The following FAR2 variants were observed in gnomAD, a reference collection of about 807,000 sequenced individuals.
FAR2 encodes the protein fatty acyl-CoA reductase 2.
FAR2 carries 19 observed loss-of-function variants against 56.0 expected under a neutral mutation model. The observed-to-expected ratio is 0.34, with a 90% CI of 0.24 to 0.50. The LOEUF (loss-of-function observed/expected upper bound fraction) is 0.50, where lower values mean the gene tolerates loss of function less well. Ranked by LOEUF, FAR2 falls within the 20% of genes least tolerant of loss-of-function variation. FAR2 has a pLI of 0.98. For synonymous variants in FAR2, 219 were observed against 218.8 expected (o/e 1.00, Z -0.01); for missense variants, 508 against 642.2 (o/e 0.79, Z 2.26).
chr12:29,331,988 C>T (rs1225872300), intron 10 of FAR2: 1 of 152,134 alleles, frequency 6.6e-6, no homozygotes, highest in South Asian at 2.1e-4. Context: ...TGTGGCACAA[C>T]TTCTCTCCCT....
rs539941601 is a variant in FAR2 at position 29,230,347 on chromosome 12, G to T, written c.-38-40065G>T. 6.6e-5 allele frequency among the ~76,000 whole-genome samples: 10 copies of T among 152,084 alleles called. 1 individual carries two copies. The South Asian group carries it at 2.1e-3, about 32-fold the overall frequency. ...CCTCTGGGTAGGGGGAGGAGTGAGGGCTGAGAGCTGCAGTAGAGCATCCTT... is the reference window on the plus strand; with the variant it reads ...CCTCTGGGTAGGGGGAGGAGTGAGGTCTGAGAGCTGCAGTAGAGCATCCTT... On this transcript the variant is annotated intron_variant, in intron 1 of 11. Transcript: ENST00000536681.
chr12:29,207,694 GGATA>G (rs1310745685), intron 1 of FAR2, among the ~76,000 whole-genome samples: 1 of 152,120 alleles, frequency 6.6e-6, no homozygotes, highest in Non-Finnish European at 1.5e-5. Flanking sequence ...ATGGATGGAT[GGATA>G]GATAGACAGA....
chr12:29,230,486 G>C (rs1347288225), intron 1 of FAR2, among the ~76,000 whole-genome samples: 1 of 152,114 alleles, frequency 6.6e-6, no homozygotes, highest in Non-Finnish European at 1.5e-5. Context: ...ACATTGTCCA[G>C]TGCCTTGCAT....
At chr12:29,274,730 G>A (rs1205165175) in intron 2 of FAR2, among the ~76,000 whole-genome samples, 1 of 151,772 alleles carries the variant, frequency 6.6e-6, no homozygotes, top group African/African-American at 2.4e-5. Context: ...GGCTCATTCT[G>A]GCTCAAAATC....
At chr12:29,274,378 A>G (rs1948670902) in intron 2 of FAR2, among the ~76,000 whole-genome samples, 2 of 151,838 alleles carry the variant, frequency 1.3e-5, no homozygotes, top group South Asian at 4.2e-4. Flanking sequence ...TGAACTCATC[A>G]TTTTTTATGG....
intron 1 of FAR2, among the ~76,000 whole-genome samples, chr12:29,257,613 C>T (rs1948345262): frequency 6.6e-6 from 1 of 152,130 alleles, no homozygotes; most frequent in Admixed American, 6.5e-5. Flanking sequence ...TGCAGCTTCA[C>T]TCCTGAAGCC....
intron 1 of FAR2, among the ~76,000 whole-genome samples, chr12:29,150,251 C>T (rs1401499044): frequency 6.6e-6 from 1 of 152,188 alleles, no homozygotes; most frequent in Non-Finnish European, 1.5e-5. Context: ...CAGAGGAAGG[C>T]GTCTCACCTG....
intron 2 of FAR2, among the ~76,000 whole-genome samples, chr12:29,271,396 A>G (rs1372696446): frequency 6.6e-6 from 1 of 152,194 alleles, no homozygotes; most frequent in Non-Finnish European, 1.5e-5. Context: ...AAACTTTCCA[A>G]TGTTTTAAAT....
At chr12:29,220,748 T>C (rs919761885) in intron 1 of FAR2, among the ~76,000 whole-genome samples, 2 of 152,114 alleles carry the variant, frequency 1.3e-5, no homozygotes, top group African/African-American at 4.8e-5. Context: ...AGAAAGAATT[T>C]GACCAAGGGA....
At chr12:29,150,627 A>G (rs1354482500) in intron 1 of FAR2, among the ~76,000 whole-genome samples, 1 of 152,250 alleles carries the variant, frequency 6.6e-6, no homozygotes, top group Non-Finnish European at 1.5e-5. Flanking sequence ...GCAGCCACCT[A>G]AACTGCAAGA....
At chr12:29,152,476 C>T (rs1344791777) in intron 1 of FAR2, among the ~76,000 whole-genome samples, 1 of 152,154 alleles carries the variant, frequency 6.6e-6, no homozygotes, top group Non-Finnish European at 1.5e-5. Flanking sequence ...TATCTTTATT[C>T]CAGCTGTCCT....
intron 1 of FAR2, among the ~76,000 whole-genome samples, chr12:29,252,282 C>T (rs1253498584): frequency 1.3e-5 from 2 of 152,070 alleles, no homozygotes; most frequent in African/African-American, 4.8e-5. Context: ...ATGACCCAAC[C>T]CAGGCAGGAC....
chr12:29,312,636 C>A (rs1474869424), intron 8 of FAR2, among the ~76,000 whole-genome samples: 1 of 152,098 alleles, frequency 6.6e-6, no homozygotes, highest in Admixed American at 6.6e-5. Context: ...ATTGATCTGT[C>A]TGAATGTAAA....
intron 1 of FAR2, among the ~76,000 whole-genome samples, chr12:29,264,088 A>T (rs549221987): frequency 1.2e-4 from 18 of 152,264 alleles, no homozygotes; most frequent in African/African-American, 4.3e-4. Context: ...ATACTAGCAA[A>T]CTGAAATCAA....
rs35073792 is a variant in FAR2 at position 29,314,432 on chromosome 12, C to CTTTT, written c.956-2397_956-2394dup. On this transcript the variant is annotated intron_variant, in intron 8 of 11. Transcript: ENST00000536681. The stretch of plus-strand genomic sequence containing the variant: ...AGTCACTCAGTTTCTCCCTGTAGAT[C>CTTTT]TTTTTTTTTTTTTTTATCTGTCAAT... Among the ~76,000 whole-genome samples the CTTTT allele has an allele frequency of 9.2e-4, 132 of 143,950 alleles. 1 individual carries two copies. Among genetic ancestry groups the CTTTT allele is most frequent in the African/African-American group, 3.0e-3 (116 of 39,172 alleles). The allele number at this position is 143,950 out of a possible 152,430, so 94.4% of individuals were successfully genotyped here.
chr12:29,169,543 G>A (rs151338806), intron 1 of FAR2, among the ~76,000 whole-genome samples: 3 of 152,294 alleles, frequency 2.0e-5, no homozygotes, highest in East Asian at 3.9e-4. Flanking sequence ...AATTTGAAAG[G>A]CATTGTCTGA....
intron 1 of FAR2, among the ~76,000 whole-genome samples, chr12:29,240,522 T>TC (rs951626173): frequency 2.8e-3 from 1 of 358 alleles, no homozygotes; most frequent in African/African-American, 8.9e-3. Flanking sequence ...AAATGGGTTG[T>TC]TTTTTTTTTA....
chr12:29,203,004 G>T lies in FAR2; in HGVS notation c.-39+53597G>T, dbSNP rs116565610. On this transcript the variant is annotated intron_variant, in intron 1 of 11. Transcript: ENST00000536681. ...CATAGAAAATCTGAGAATCATAAAA[G>T]AAATTAGTCTCAGTAATCTTTTTCT... 4.8e-3 allele frequency among the ~76,000 whole-genome samples: 724 copies of T among 152,202 alleles called. 5 individuals are homozygous for T. The highest frequency in any genetic ancestry group is 0.017 in the Middle Eastern group (5 of 294).
chr12:29,311,245 C>A, intron 7 of FAR2, 99 bp downstream of exon 7: 1 of 781,386 alleles, frequency 1.3e-6, no homozygotes. Context: ...TACAAGACCC[C>A]AAATGTGTGA....
Sources: allele counts gnomAD v4.1 joint callset (sites outside exome capture counted in the v4.1 genomes callset), GRCh38; gene constraint gnomAD v4.1.1; transcripts MANE v1.5; gene names NCBI Gene and HGNC (gene_info 2026-07-23, HGNC 2026-07-21).